Variants in RMDN2 observed in about 807,000 individuals in gnomAD.
RMDN2 encodes regulator of microtubule dynamics 2.
A neutral mutation model predicts 52.8 loss-of-function variants in RMDN2; 61 were observed. The ratio of observed to expected loss-of-function variants is 1.16; its 90% CI spans 0.94 to 1.43. RMDN2 has a LOEUF of 1.43. RMDN2 is among the 40% of genes most tolerant of loss of function. RMDN2 has a pLI of 0.00. For synonymous variants in RMDN2, 180 were observed against 153.1 expected (o/e 1.18, Z -1.30); for missense variants, 592 against 475.3 (o/e 1.25, Z -2.28).
chr2:37,934,448 G>T (rs1024383320), intron 2 of RMDN2, among the ~76,000 whole-genome samples: 73 of 152,212 alleles, frequency 4.8e-4, no homozygotes, highest in African/African-American at 1.8e-3. Context: ...GGTCTGTTAA[G>T]TTTGTGTCTG....
At chr2:37,937,562 T>C (rs532301477) in intron 2 of RMDN2, among the ~76,000 whole-genome samples, 2 of 152,346 alleles carry the variant, frequency 1.3e-5, no homozygotes, top group South Asian at 4.1e-4. Flanking sequence ...TTGTGTCCTC[T>C]CTTGTTTCTT....
Position 37,929,244 on chromosome 2 carries a change from T to A in RMDN2, c.-16-18T>A. 1 of 1,349,182 alleles carries A rather than the reference T, an allele frequency of 7.4e-7. No individual in the cohort carries two copies. Among genetic ancestry groups the A allele is most frequent in the Non-Finnish European group, 1.0e-6 (1 of 994,984 alleles). The allele number at this position is 1,349,182 out of a possible 1,614,324, so 83.6% of individuals were successfully genotyped here. On this transcript the variant is annotated intron_variant, in intron 1 of 10. Transcript: ENST00000354545. ...AGACATAAACAACATTCATTTACAT[T>A]TATGTTTTTAATTTTAGAAACGAAA...
intron 2 of RMDN2, among the ~76,000 whole-genome samples, chr2:37,940,784 A>G (rs1558446203): frequency 6.6e-6 from 1 of 152,116 alleles, no homozygotes; most frequent in Non-Finnish European, 1.5e-5. Context: ...CTCATTAGCA[A>G]TTTCTCTAAC....
intron 4 of RMDN2, among the ~76,000 whole-genome samples, chr2:37,978,472 G>A (rs1316606725): frequency 1.3e-5 from 2 of 152,162 alleles, no homozygotes; most frequent in Admixed American, 6.5e-5. Context: ...TGTAGGGGAG[G>A]CAGCACTAGT....
In RMDN2 at chr2:37,952,231, G is replaced by A. The variant is rs777705480; in HGVS notation, c.453-21809G>A. 3.7e-6 allele frequency: 6 copies of A among 1,606,688 alleles called. No individual in the cohort carries two copies. In the African/African-American group the frequency reaches 8.1e-5, roughly 22 times the overall value. On this transcript the variant is annotated intron_variant, in intron 2 of 10. Coordinates refer to ENST00000354545, the MANE Select transcript of RMDN2 (RefSeq NM_001170791.3). ...CCTCAGACTTTACCCTCTCTTAGAA[G>A]GGCACCTCAAATAGTTTTCCCACCA...
chr2:37,982,382 A>G (rs1673439350), intron 5 of RMDN2, among the ~76,000 whole-genome samples: 1 of 152,214 alleles, frequency 6.6e-6, no homozygotes, highest in Non-Finnish European at 1.5e-5. Flanking sequence ...ATGCCAAAAT[A>G]TGAATAGACT....
At chr2:37,923,080 T>C (rs1228891918), upstream of RMDN2, 1 of 152,216 alleles carries the variant, frequency 6.6e-6, no homozygotes, top group Non-Finnish European at 1.5e-5. Flanking sequence ...CCTTCAGATA[T>C]TCCTTTTAGA....
At chr2:37,925,853 C>G (rs1489691766) in intron 1 of RMDN2, among the ~76,000 whole-genome samples, 1 of 152,098 alleles carries the variant, frequency 6.6e-6, no homozygotes, top group Non-Finnish European at 1.5e-5. Context: ...GTTTTTTTTG[C>G]TCTCAGACTC....
chr2:37,997,770 A>G, intron 8 of RMDN2: 1 of 396,378 alleles, frequency 2.5e-6, no homozygotes, highest in South Asian at 2.7e-5. Flanking sequence ...GCCTAAATGA[A>G]GGTTTAGGTT....
chr2:37,974,802 T>C (rs1172566680), intron 3 of RMDN2: 1 of 170,458 alleles, frequency 5.9e-6, no homozygotes, highest in East Asian at 1.8e-4. Flanking sequence ...GTAAAAAAAG[T>C]GACTGCTCTT....
intron 2 of RMDN2, chr2:37,951,801 TCTC>T (rs762391532): frequency 4.3e-6 from 7 of 1,613,546 alleles, no homozygotes; most frequent in Non-Finnish European, 5.9e-6. Context: ...AAACACTACT[TCTC>T]CAGCCTTTGG....
chr2:38,046,018 C>T (rs1454180907), intron 10 of RMDN2, among the ~76,000 whole-genome samples: 1 of 152,160 alleles, frequency 6.6e-6, no homozygotes, highest in Non-Finnish European at 1.5e-5. Context: ...GGAATGAGGT[C>T]GCCATTGTAG....
intron 2 of RMDN2, among the ~76,000 whole-genome samples, chr2:37,967,582 T>C (rs1347116633): frequency 6.6e-6 from 1 of 152,236 alleles, no homozygotes; most frequent in Non-Finnish European, 1.5e-5. Context: ...AATGATGACA[T>C]CTACTTATTA....
chr2:38,034,098 G>A (rs1278354739), intron 10 of RMDN2, among the ~76,000 whole-genome samples: 3 of 152,242 alleles, frequency 2.0e-5, no homozygotes, highest in Non-Finnish European at 4.4e-5. Context: ...ACTTCTAGCA[G>A]TGTCCTCGAC....
chr2:37,995,955 G>A (rs558241067), intron 7 of RMDN2, among the ~76,000 whole-genome samples: 1 of 152,298 alleles, frequency 6.6e-6, no homozygotes, highest in African/African-American at 2.4e-5. Flanking sequence ...TTATTAGATT[G>A]CTGTGGAAAC....
rs558279830 is a variant in RMDN2 at position 37,990,775 on chromosome 2, C to T, written c.868-445C>T. Among the ~76,000 whole-genome samples, 7 of 152,182 alleles carry T rather than the reference C, an allele frequency of 4.6e-5. No individual in the cohort carries two copies. In the East Asian group the frequency reaches 1.2e-3, roughly 25 times the overall value. ...TAATTACAGAGATGAATAAACTGTT[C>T]TTCCCTATTTTCCAGCTCCCTATAA... On this transcript the variant is annotated intron_variant, in intron 6 of 10. Transcript: ENST00000354545.
intron 10 of RMDN2, chr2:38,039,171 A>T (rs1176947920): frequency 6.6e-6 from 1 of 152,052 alleles, no homozygotes; most frequent in Non-Finnish European, 1.5e-5. Context: ...GATTAAAACT[A>T]ATCCATATGA....
intron 10 of RMDN2, among the ~76,000 whole-genome samples, chr2:38,057,989 G>A (rs958901626): frequency 3.3e-5 from 5 of 152,248 alleles, no homozygotes; most frequent in African/African-American, 9.6e-5. Flanking sequence ...TCATAGGACT[G>A]TGAGAATAGA....
chr2:38,066,456 T>C (rs1682286060), intron 10 of RMDN2, among the ~76,000 whole-genome samples: 1 of 152,242 alleles, frequency 6.6e-6, no homozygotes, highest in Non-Finnish European at 1.5e-5. Flanking sequence ...CTTCTTTCCT[T>C]TTCACTTTCT....
Sources: gnomAD v4.1 joint callset for allele counts (sites outside exome capture counted in the v4.1 genomes callset) on GRCh38, gnomAD v4.1.1 for gene constraint, MANE v1.5 for transcripts, NCBI Gene and HGNC (gene_info 2026-07-23, HGNC 2026-07-21) for gene names.